The following DCHS2 variants were observed in gnomAD, a reference collection of about 807,000 sequenced individuals.
The protein encoded by DCHS2 is dachsous cadherin-related 2.
DCHS2 carries 142 observed loss-of-function variants against 182.4 expected under a neutral mutation model. The observed-to-expected ratio is 0.78, with a 90% CI of 0.68 to 0.89. The LOEUF (loss-of-function observed/expected upper bound fraction) is 0.89, where lower values mean the gene tolerates loss of function less well. Among genes scored for constraint, DCHS2 ranks in the 40% least tolerant of loss-of-function variants. The pLI is 0.00. For missense variants in DCHS2, 4,319 were observed against 4,198.6 expected, an observed-to-expected ratio of 1.03 and a Z score of -0.79; for synonymous variants, 1,740 against 1,663.3, an observed-to-expected ratio of 1.05 and a Z score of -1.12.
At chr4:154,265,338 A>T (rs1028975059) in intron 14 of DCHS2, among the ~76,000 whole-genome samples, 1 of 152,226 alleles carries the variant, frequency 6.6e-6, no homozygotes, top group African/African-American at 2.4e-5. Flanking sequence ...TGGTTTATGC[A>T]CTGTAAGTCA....
At chr4:154,363,683 T>C (rs182492777) in intron 3 of DCHS2, among the ~76,000 whole-genome samples, 14 of 152,354 alleles carry the variant, frequency 9.2e-5, no homozygotes, top group African/African-American at 3.4e-4. Flanking sequence ...ACTTGAAAAT[T>C]ACTAAGAGAG....
At chr4:154,427,921 C>G (rs567882657) in intron 1 of DCHS2, among the ~76,000 whole-genome samples, 1 of 152,328 alleles carries the variant, frequency 6.6e-6, no homozygotes, top group East Asian at 1.9e-4. Context: ...ATCAACTGCT[C>G]TATACATTGA....
chr4:154,314,959 T>C (rs1383233900), intron 10 of DCHS2, among the ~76,000 whole-genome samples: 1 of 152,300 alleles, frequency 6.6e-6, no homozygotes, highest in East Asian at 1.9e-4. Flanking sequence ...GTAATTATTT[T>C]GTTTAAGATA....
At chr4:154,313,721 C>G (rs1333078732) in intron 10 of DCHS2, among the ~76,000 whole-genome samples, 4 of 152,150 alleles carry the variant, frequency 2.6e-5, no homozygotes, top group Non-Finnish European at 5.9e-5. Context: ...ACCTACTTAA[C>G]AGACCTGGCC....
intron 3 of DCHS2, among the ~76,000 whole-genome samples, chr4:154,339,722 C>G (rs978043219): frequency 6.6e-6 from 1 of 152,178 alleles, no homozygotes; most frequent in Non-Finnish European, 1.5e-5. Flanking sequence ...GCTGGGATTA[C>G]AGGTGTGAGC....
Position 154,256,030 on chromosome 4 carries a change from G to C in DCHS2, c.6790-360C>G, listed in dbSNP as rs1045536115. 3.9e-5 allele frequency among the ~76,000 whole-genome samples: 6 copies of C among 152,138 alleles called. No individual in the cohort carries two copies. The East Asian group carries it at 1.2e-3, about 29-fold the overall frequency. On this transcript the variant is annotated intron_variant, in intron 15 of 19. Coordinates refer to ENST00000357232, the MANE Select transcript of DCHS2 (RefSeq NM_001358235.2). ...GCTAGCACAAGTAAAGGGAAAAAAT[G>C]TTATGGGAAATCTCCACATAGTGAT...
chr4:154,453,393 G>T (rs1017299447), intron 1 of DCHS2, among the ~76,000 whole-genome samples: 1 of 151,818 alleles, frequency 6.6e-6, no homozygotes, highest in African/African-American at 2.4e-5. Flanking sequence ...AAATCATAAA[G>T]ATTTTTTTCA....
In DCHS2 at chr4:154,233,086, G is replaced by A. The variant is rs920390811; in HGVS notation, c.*1450C>T. The A allele has an allele frequency of 6.6e-6, 1 of 152,082 alleles. No individual in the cohort carries two copies. Among genetic ancestry groups the A allele is most frequent in the African/African-American group, 2.4e-5 (1 of 41,410 alleles). The allele number at this position is 152,082 out of a possible 1,614,324, so 9.4% of individuals were successfully genotyped here. A position where few individuals can be genotyped will look rare whatever the true frequency, so the allele number is the denominator to read the frequency against. On this transcript the variant is annotated 3_prime_UTR_variant, in exon 20 of 20. Transcript: ENST00000357232. ...GAGGCCTATGGAAGAAGAACACAAA[G>A]GAACTATATCTGTAGTAGAAGCCCA...
At chr4:154,257,716 C>A (rs549855605) in intron 15 of DCHS2, among the ~76,000 whole-genome samples, 46 of 152,306 alleles carry the variant, frequency 3.0e-4, no homozygotes, top group African/African-American at 1.0e-3. Context: ...GGTATGAGCT[C>A]CAGAGCCTCC....
chr4:154,382,624 A>G (rs890209560), intron 1 of DCHS2, among the ~76,000 whole-genome samples: 1 of 152,192 alleles, frequency 6.6e-6, no homozygotes, highest in African/African-American at 2.4e-5. Flanking sequence ...TCCAGAGTCT[A>G]TAAGGAACTT....
At chr4:154,374,407 T>C (rs556438610) in intron 2 of DCHS2, 12 of 153,484 alleles carry the variant, frequency 7.8e-5, no homozygotes, top group African/African-American at 2.6e-4. Context: ...TCTCAAAATC[T>C]ATCAAGAATA....
rs747274498 is a variant in DCHS2 at position 154,335,051 on chromosome 4, A to G, written c.2530T>C (p.Leu844=). ...LSHLESTTLS[L]MVSAQDGGGL... is the part of the protein sequence containing the mutation. ...CCACCGTCTTGAGCAGAGACCATCAACGAAAGTGTGGTAGATTCCAAATGA... is the reference window on the plus strand; with the variant it reads ...CCACCGTCTTGAGCAGAGACCATCAGCGAAAGTGTGGTAGATTCCAAATGA... Residue 844 remains leucine (L), a synonymous_variant, in exon 4 of 20, where the codon TTG becomes CTG. Transcript: ENST00000357232. 1 of 1,614,032 alleles carries G rather than the reference A, an allele frequency of 6.2e-7. No homozygotes were observed. The highest frequency in any genetic ancestry group is 1.7e-5 in the Admixed American group (1 of 60,026).
chr4:154,467,515 A>G (rs995220972), intron 1 of DCHS2, among the ~76,000 whole-genome samples: 4 of 152,172 alleles, frequency 2.6e-5, no homozygotes, highest in African/African-American at 9.7e-5. Flanking sequence ...AAAATAATGA[A>G]AATATTCAAA....
Position 154,304,665 on chromosome 4 carries a change from T to C in DCHS2, c.5605+4A>G. 1 of 1,507,128 alleles carries C rather than the reference T, an allele frequency of 6.6e-7. No homozygotes were observed. Among genetic ancestry groups the C allele is most frequent in the Non-Finnish European group, 9.0e-7 (1 of 1,105,840 alleles). 93.4% of individuals were successfully genotyped at this position (1,507,128 alleles called of 1,614,324 possible). ...CAAACAAACAAACAAACAAACAAAC[T>C]TACCAATTATGTGATATTCAACAGC... On this transcript the variant is annotated splice_donor_region_variant and intron_variant, in intron 12 of 19. Coordinates refer to ENST00000357232, the MANE Select transcript of DCHS2 (RefSeq NM_001358235.2).
At chr4:154,260,025 T>C (rs1020999613) in intron 14 of DCHS2, among the ~76,000 whole-genome samples, 3 of 152,148 alleles carry the variant, frequency 2.0e-5, no homozygotes, top group African/African-American at 7.2e-5. Flanking sequence ...GTTTTCACCA[T>C]GTTGGCCAGT....
intron 1 of DCHS2, 134 bp from the exon 2 acceptor site, chr4:154,377,578 T>C (rs1730968516): frequency 3.2e-6 from 2 of 624,550 alleles, no homozygotes; most frequent in Non-Finnish European, 5.3e-6. Flanking sequence ...TTTGGTTTCA[T>C]ATCTCTCTCC....
In DCHS2 at chr4:154,298,519, G is replaced by A. The variant is rs1735059802; in HGVS notation, c.5795C>T (p.Ser1932Phe). 2 of 1,614,142 alleles carry A rather than the reference G, an allele frequency of 1.2e-6. No homozygotes were observed. Among genetic ancestry groups the A allele is most frequent in the Non-Finnish European group, 1.7e-6 (2 of 1,179,972 alleles). The change falls in exon 13 of 20, where the codon TCT (serine) becomes TTT (phenylalanine). Residue 1932 changes from serine (S) to phenylalanine (F), a missense_variant. By Grantham distance (155) the Ser-to-Phe change is radical. Transcript: ENST00000357232. ...GGACTGGTAATAAAGTGTGGGAAAA[G>A]AAGGACTGTGGTCATTGGCATCCAA... ...RVLDANDHSP[S>F]FPTLYYQSSV...
intron 1 of DCHS2, among the ~76,000 whole-genome samples, chr4:154,389,755 G>A (rs907856556): frequency 1.6e-4 from 24 of 149,774 alleles, no homozygotes; most frequent in Non-Finnish European, 2.2e-4. Flanking sequence ...ACCCCTCCTC[G>A]AAAAACACAC....
At chr4:154,285,228 G>T (rs543377880) in intron 13 of DCHS2, among the ~76,000 whole-genome samples, 61 of 152,226 alleles carry the variant, frequency 4.0e-4, no homozygotes, top group African/African-American at 1.5e-3. Context: ...CTCCTTGGTA[G>T]CCAGGAGTAC....
Sources: allele counts gnomAD v4.1 joint callset (sites outside exome capture counted in the v4.1 genomes callset), GRCh38; gene constraint gnomAD v4.1.1; transcripts MANE v1.5; gene names NCBI Gene and HGNC (gene_info 2026-07-23, HGNC 2026-07-21).